Variants in WDR17 observed in about 807,000 individuals in gnomAD.
The protein encoded by WDR17 is WD repeat domain 17.
In WDR17, 143 loss-of-function variants were observed where a neutral mutation model predicts 161.7. That is an observed-to-expected ratio of 0.88 (90% CI 0.77 to 1.02). The LOEUF (loss-of-function observed/expected upper bound fraction) is 1.02. Among genes scored for constraint, WDR17 ranks in the 50% least tolerant of loss-of-function variants. The pLI, the probability that WDR17 is intolerant of heterozygous loss-of-function variation, is 0.00. For synonymous variants in WDR17, 517 were observed against 515.6 expected (o/e 1.00, Z -0.04); for missense variants, 1,469 against 1,520.9 (o/e 0.97, Z 0.57).
At chr4:176,177,958 C>A (rs932412733) in intron 28 of WDR17, among the ~76,000 whole-genome samples, 3 of 114,934 alleles carry the variant, frequency 2.6e-5, no homozygotes, top group African/African-American at 1.0e-4. Context: ...GCACTCCAGC[C>A]TGGGCAACAA....
intron 11 of WDR17, among the ~76,000 whole-genome samples, chr4:176,143,041 A>G (rs1745537090): frequency 6.6e-6 from 1 of 152,032 alleles, no homozygotes; most frequent in South Asian, 2.1e-4. Context: ...CACCACGCCC[A>G]GCTAATTTTG....
rs1229227825 is a variant in WDR17, at chr4:176,182,619, A to G, written c.*3040A>G. 1 of 152,120 alleles carries G rather than the reference A, an allele frequency of 6.6e-6. No individual in the cohort carries two copies. Among genetic ancestry groups the G allele is most frequent in the Non-Finnish European group, 1.5e-5 (1 of 68,014 alleles). 9.4% of individuals were successfully genotyped at this position (152,120 alleles called of 1,614,324 possible). The stretch of plus-strand genomic sequence containing the variant: ...TTAGTATATCAGTAATATAGAAGAC[A>G]TCTTTATAGTCAACTCTTAATTAAT... On this transcript the variant is annotated 3_prime_UTR_variant, in exon 29 of 29. Transcript: ENST00000508596. This position sits in a 1 kb window ranked among gnomAD's most constrained non-coding sequence, Gnocchi z 4.2.
chr4:176,144,482 C>A (rs902761005), intron 11 of WDR17, among the ~76,000 whole-genome samples: 15 of 152,088 alleles, frequency 9.9e-5, no homozygotes, highest in Non-Finnish European at 1.5e-5. Flanking sequence ...AATAGAATTA[C>A]CTTGTATCTG....
Position 176,162,138 on chromosome 4 carries a change from A to G in WDR17, c.2814A>G (p.Leu938=). 1.2e-6 allele frequency: 2 copies of G among 1,613,278 alleles called. No homozygotes were observed. The highest frequency in any genetic ancestry group is 2.2e-5 in the South Asian group (2 of 90,996). ...EWYFQDGRAV[L]AACCHLAIDN... is the part of the protein sequence containing the mutation. ...ATTTTCAAGATGGTCGAGCAGTACT[A>G]GCCGCATGTTGCCATCTTGCCATAG... Residue 938 remains leucine, a synonymous_variant, in exon 21 of 29, where the codon CTA becomes CTG. Coordinates refer to ENST00000508596, the MANE Select transcript of WDR17 (RefSeq NM_181265.4).
intron 1 of WDR17, among the ~76,000 whole-genome samples, chr4:176,084,502 A>G (rs967425886): frequency 1.3e-5 from 2 of 152,020 alleles, no homozygotes; most frequent in African/African-American, 2.4e-5. Flanking sequence ...CATTGTGATC[A>G]AATTTCAACA....
chr4:176,111,013 C>G (rs1477673851), intron 1 of WDR17, among the ~76,000 whole-genome samples: 1 of 152,112 alleles, frequency 6.6e-6, no homozygotes, highest in Non-Finnish European at 1.5e-5. Context: ...GCTTATATAC[C>G]TGTCTTATGC....
chr4:176,115,964 C>T lies in WDR17; in HGVS notation c.292C>T (p.Leu98Phe). ...NVAEQKVIAKLDSTKGIPASL... is the reference protein window; with the variant it reads ...NVAEQKVIAKFDSTKGIPASL... The stretch of plus-strand genomic sequence containing the variant: ...TGCAGAACAAAAAGTCATTGCTAAA[C>T]TCGACAGTACAAAAGGTATAATTAC... Residue 98 changes from leucine (L) to phenylalanine (F), a missense_variant, in exon 3 of 29, where the codon CTC becomes TTC. Transcript: ENST00000508596. 1 of 1,604,938 alleles carries T rather than the reference C, an allele frequency of 6.2e-7. No individual in the cohort carries two copies. Among genetic ancestry groups the T allele is most frequent in the African/African-American group, 1.3e-5 (1 of 74,550 alleles).
intron 1 of WDR17, among the ~76,000 whole-genome samples, chr4:176,074,555 C>T (rs535393545): frequency 6.6e-6 from 1 of 151,990 alleles, no homozygotes; most frequent in South Asian, 2.1e-4. Context: ...TTCCTGGGTT[C>T]ACGTGGTCCT....
intron 7 of WDR17, among the ~76,000 whole-genome samples, chr4:176,134,557 G>T (rs1209470377): frequency 6.6e-6 from 1 of 151,644 alleles, no homozygotes; most frequent in African/African-American, 2.4e-5. Context: ...GAATAGACTT[G>T]CTAGAAAATT....
chr4:176,115,672 T>A (rs1332921643), intron 2 of WDR17, 124 bp from the exon 3 acceptor site: 8 of 660,596 alleles, frequency 1.2e-5, no homozygotes, highest in Non-Finnish European at 1.8e-5. Flanking sequence ...AATATGTTCA[T>A]ATCTTTATTA....
Position 176,180,807 on chromosome 4 carries a change from T to C in WDR17, c.*1228T>C, listed in dbSNP as rs1225573205. 6.6e-6 allele frequency: 1 copy of C among 152,226 alleles called. No homozygotes were observed. The highest frequency in any genetic ancestry group is 1.5e-5 in the Non-Finnish European group (1 of 68,042). The allele number at this position is 152,226 out of a possible 1,614,324, so 9.4% of individuals were successfully genotyped here. The stretch of plus-strand genomic sequence containing the variant: ...ATTGGTTGAATTTTTGGATATATTA[T>C]GTTGATTTAACTTTTAAAATGTTGT... On this transcript the variant is annotated 3_prime_UTR_variant, in exon 29 of 29. Transcript: ENST00000508596.
chr4:176,072,637 T>G (rs1733387439), intron 1 of WDR17, among the ~76,000 whole-genome samples: 1 of 152,164 alleles, frequency 6.6e-6, no homozygotes, highest in Non-Finnish European at 1.5e-5. Context: ...TTCCTTTCAT[T>G]TTTCTGCATT....
chr4:176,095,984 G>T lies in WDR17; in HGVS notation c.-6-15591G>T, dbSNP rs75958674. On this transcript the variant is annotated intron_variant, in intron 1 of 28. Transcript: ENST00000508596. Reference sequence around the variant, plus strand: ...ATGGTGTCTTTAAACTTTTTGACGGGTTAGGTGGTTAGCAATTAACTTAAA... The same window carrying T: ...ATGGTGTCTTTAAACTTTTTGACGGTTTAGGTGGTTAGCAATTAACTTAAA... 6.0e-3 allele frequency among the ~76,000 whole-genome samples: 909 copies of T among 152,154 alleles called. 11 individuals are homozygous for T. The highest frequency in any genetic ancestry group is 0.02 in the African/African-American group (848 of 41,508).
At chr4:176,163,605 G>C (rs4582106) in intron 22 of WDR17, among the ~76,000 whole-genome samples, 148,000 of 152,260 alleles carry the variant, frequency 0.97, 72,057 homozygotes, top group East Asian at 1. Context: ...ATTCCCACAT[G>C]TTAAAATTCC....
intron 6 of WDR17, among the ~76,000 whole-genome samples, chr4:176,130,997 AAAAC>A (rs1297842314): frequency 3.3e-5 from 5 of 152,144 alleles, no homozygotes; most frequent in Non-Finnish European, 7.4e-5. Context: ...GTAAAAAGAA[AAAAC>A]AAACAAAAAA....
At chr4:176,151,011 T>C (rs988581117) in intron 16 of WDR17, among the ~76,000 whole-genome samples, 3 of 152,208 alleles carry the variant, frequency 2.0e-5, no homozygotes, top group Non-Finnish European at 1.5e-5. Flanking sequence ...TGGGGCAATC[T>C]ACAGCACTAA....
intron 16 of WDR17, 115 bp downstream of exon 16, chr4:176,150,708 G>T: frequency 9.9e-7 from 1 of 1,014,222 alleles, no homozygotes; most frequent in Non-Finnish European, 1.3e-6. Context: ...TTAAATAAAT[G>T]AACACTGAGG....
At chr4:176,159,394 A>G (rs2126843740) in intron 18 of WDR17, among the ~76,000 whole-genome samples, 2 of 152,122 alleles carry the variant, frequency 1.3e-5, no homozygotes, top group South Asian at 4.2e-4. Context: ...AAACAGACAC[A>G]TGTACACCCT....
At chr4:176,132,977 A>G (rs1411946675) in intron 7 of WDR17, among the ~76,000 whole-genome samples, 1 of 151,724 alleles carries the variant, frequency 6.6e-6, no homozygotes, top group Non-Finnish European at 1.5e-5. Context: ...GGGTTGAGTC[A>G]CTAAATCTGG....
Sources: gnomAD v4.1 joint callset for allele counts (sites outside exome capture counted in the v4.1 genomes callset) on GRCh38, gnomAD v4.1.1 for gene constraint, Gnocchi (gnomAD v3.1) non-coding constraint, MANE v1.5 for transcripts, NCBI Gene and HGNC (gene_info 2026-07-23, HGNC 2026-07-21) for gene names.